The following CATSPERE variants were observed in gnomAD, a reference collection of about 807,000 sequenced individuals.
CATSPERE encodes catsper channel auxiliary subunit epsilon, also known as cation channel sperm-associated auxiliary subunit epsilon.
In CATSPERE, 93 loss-of-function variants were observed where a neutral mutation model predicts 114.1. The observed-to-expected ratio is 0.81, with a 90% CI of 0.69 to 0.97. The LOEUF is 0.97. Among genes scored for constraint, CATSPERE ranks in the 50% least tolerant of loss-of-function variants. CATSPERE has a pLI of 0.00. For missense variants in CATSPERE, 1,058 were observed against 1,131.6 expected, an observed-to-expected ratio of 0.93 and a Z score of 0.93; for synonymous variants, 341 against 384.1, an observed-to-expected ratio of 0.89 and a Z score of 1.31.
At chr1:244,493,209 G>C (rs2148242911) in intron 6 of CATSPERE, among the ~76,000 whole-genome samples, 1 of 152,238 alleles carries the variant, frequency 6.6e-6, no homozygotes, top group East Asian at 1.9e-4. Context: ...ATACTACAAG[G>C]CTACAGTAAC....
chr1:244,587,735 A>G (rs1243594169), intron 13 of CATSPERE, among the ~76,000 whole-genome samples: 1 of 152,214 alleles, frequency 6.6e-6, no homozygotes, highest in East Asian at 1.9e-4. Flanking sequence ...CAATAGTAAG[A>G]TGCTATTTCA....
intron 2 of CATSPERE, among the ~76,000 whole-genome samples, chr1:244,474,606 C>A (rs1668989536): frequency 6.6e-6 from 1 of 151,548 alleles, no homozygotes; most frequent in African/African-American, 2.4e-5. Flanking sequence ...TGCTCTGTTC[C>A]AAACATTTTG....
chr1:244,521,089 C>T (rs1019846424), intron 8 of CATSPERE, among the ~76,000 whole-genome samples: 1 of 152,158 alleles, frequency 6.6e-6, no homozygotes, highest in African/African-American at 2.4e-5. Flanking sequence ...CATAGTGGCT[C>T]ACACCTTTAA....
chr1:244,487,132 C>T (rs553985894), intron 5 of CATSPERE, among the ~76,000 whole-genome samples: 59 of 151,240 alleles, frequency 3.9e-4, no homozygotes, highest in Admixed American at 3.7e-3. Context: ...GGTGGTTCAG[C>T]GTGTGGAATA....
chr1:244,587,606 A>T (rs181885479), intron 13 of CATSPERE, among the ~76,000 whole-genome samples: 107 of 152,368 alleles, frequency 7.0e-4, no homozygotes, highest in African/African-American at 2.6e-3. Flanking sequence ...TTAAAAAAGC[A>T]ATTATGAGTA....
chr1:244,481,774 T>TC (rs1265476597), intron 5 of CATSPERE, among the ~76,000 whole-genome samples: 1 of 152,158 alleles, frequency 6.6e-6, no homozygotes, highest in Non-Finnish European at 1.5e-5. Context: ...AGTTCCTTTT[T>TC]CCCTTCCGCC....
rs1310777370 is a variant in CATSPERE, at chr1:244,607,036, T to C, written c.2403+1242T>C. ...TCATCCCTATACTATTGTATCCATC[T>C]TCTCCCTTGGTCCAGACTCCCATCA... On this transcript the variant is annotated intron_variant, in intron 18 of 21. Coordinates refer to ENST00000366534, the MANE Select transcript of CATSPERE (RefSeq NM_001130957.2). This position sits in a 1 kb window ranked among gnomAD's most constrained non-coding sequence, Gnocchi z 4.4. Among the ~76,000 whole-genome samples the C allele has an allele frequency of 6.6e-6, 1 of 152,176 alleles. No individual in the cohort carries two copies. The highest frequency in any genetic ancestry group is 1.5e-5 in the Non-Finnish European group (1 of 68,030).
At chr1:244,551,137 A>G (rs1195883890) in intron 8 of CATSPERE, among the ~76,000 whole-genome samples, 1 of 152,230 alleles carries the variant, frequency 6.6e-6, no homozygotes, top group East Asian at 1.9e-4. Context: ...CCTGTTATTC[A>G]TCAGGTGTGT....
chr1:244,463,983 T>G, intron 2 of CATSPERE, 27 bp downstream of exon 2: 1 of 1,506,526 alleles, frequency 6.6e-7, no homozygotes, highest in East Asian at 2.3e-5. Flanking sequence ...TAATAAACTA[T>G]AGTTAAATAT....
intron 7 of CATSPERE, among the ~76,000 whole-genome samples, chr1:244,512,000 A>T (rs1675841916): frequency 6.6e-6 from 1 of 152,120 alleles, no homozygotes; most frequent in Non-Finnish European, 1.5e-5. Context: ...GCAGTTTGAA[A>T]TTCATGTACC....
chr1:244,570,564 A>G (rs1664283254), intron 10 of CATSPERE, among the ~76,000 whole-genome samples: 1 of 152,252 alleles, frequency 6.6e-6, no homozygotes, highest in Non-Finnish European at 1.5e-5. Flanking sequence ...GCAAAAGGCT[A>G]TGAATTTTTC....
intron 7 of CATSPERE, among the ~76,000 whole-genome samples, chr1:244,505,014 A>T (rs1261025616): frequency 6.6e-6 from 1 of 152,166 alleles, no homozygotes; most frequent in Non-Finnish European, 1.5e-5. Flanking sequence ...TCATTTATTT[A>T]TATCACTGTG....
chr1:244,620,949 C>A (rs1672014961), intron 20 of CATSPERE, among the ~76,000 whole-genome samples: 1 of 144,502 alleles, frequency 6.9e-6, no homozygotes, highest in Non-Finnish European at 1.5e-5. Context: ...AGGGCAAAAT[C>A]CTTAGGGAAG....
chr1:244,604,345 C>T (rs1669688669), intron 17 of CATSPERE, among the ~76,000 whole-genome samples: 1 of 152,234 alleles, frequency 6.6e-6, no homozygotes, highest in Non-Finnish European at 1.5e-5. Context: ...AAAATAACTT[C>T]TCAGGTACCA....
intron 5 of CATSPERE, among the ~76,000 whole-genome samples, chr1:244,486,517 C>G (rs564979575): frequency 1.7e-5 from 2 of 114,846 alleles, no homozygotes; most frequent in South Asian, 2.9e-4. Context: ...TGTAGACCCT[C>G]GTAGTCACCT....
rs3006006 is a variant in CATSPERE at position 244,461,333 on chromosome 1, G to C, written c.-97G>C. On this transcript the variant is annotated 5_prime_UTR_variant, in exon 1 of 22. Coordinates refer to ENST00000366534, the MANE Select transcript of CATSPERE (RefSeq NM_001130957.2). ...CCCTGTCCAGAGGCGCCGGGACCCA[G>C]GCGCCTGCAGCCGCCCGCCGGGCCG... The C allele has an allele frequency of 0.61, 678,407 of 1,105,124 alleles. 210,778 individuals are homozygous for C. The highest frequency in any genetic ancestry group is 0.79 in the African/African-American group (48,849 of 61,502). The allele number at this position is 1,105,124 out of a possible 1,614,324, so 68.5% of individuals were successfully genotyped here. A position where few individuals can be genotyped will look rare whatever the true frequency, so the allele number is the denominator to read the frequency against.
intron 5 of CATSPERE, among the ~76,000 whole-genome samples, chr1:244,484,962 T>A (rs1670765634): frequency 6.6e-6 from 1 of 152,174 alleles, no homozygotes; most frequent in Non-Finnish European, 1.5e-5. Context: ...TTATTTTTTC[T>A]TGTGTCTAGC....
chr1:244,494,412 T>C (rs1205914188), intron 6 of CATSPERE, among the ~76,000 whole-genome samples: 1 of 123,696 alleles, frequency 8.1e-6, no homozygotes, highest in East Asian at 2.5e-4. Flanking sequence ...TGAGAACACA[T>C]GGACACAGGA....
rs759023899 is a variant in CATSPERE, at chr1:244,633,823, GC to G, written c.2649-1664del. 1.2e-4 allele frequency among the ~76,000 whole-genome samples: 18 copies of G among 151,042 alleles called. No individual in the cohort carries two copies. The highest frequency in any genetic ancestry group is 2.7e-4 in the Non-Finnish European group (18 of 67,916). ...TTTAGGACTCAACACAAGCCTCTTT[GC>G]CGTGCTGTGAAAATTCCTGTGACAG... On this transcript the variant is annotated intron_variant, in intron 20 of 21. Transcript: ENST00000366534. This position sits in a 1 kb window ranked among gnomAD's most constrained non-coding sequence, Gnocchi z 4.1.
Sources: gnomAD v4.1 joint callset for allele counts (sites outside exome capture counted in the v4.1 genomes callset) on GRCh38, gnomAD v4.1.1 for gene constraint, Gnocchi (gnomAD v3.1) non-coding constraint, MANE v1.5 for transcripts, NCBI Gene and HGNC (gene_info 2026-07-23, HGNC 2026-07-21) for gene names.